Variants in BTBD16 observed in about 807,000 individuals in gnomAD.
BTBD16 encodes BTB/POZ domain-containing protein 16.
BTBD16 carries 66 observed loss-of-function variants against 67.4 expected under a neutral mutation model. The ratio of observed to expected loss-of-function variants is 0.98; its 90% CI spans 0.80 to 1.20. The LOEUF (loss-of-function observed/expected upper bound fraction) is 1.20. Ranked by LOEUF, BTBD16 falls within the 50% of genes most tolerant of loss-of-function variation. The pLI is 0.00. For missense variants in BTBD16, 634 were observed against 616.0 expected, an observed-to-expected ratio of 1.03 and a Z score of -0.31; for synonymous variants, 242 against 236.4, an observed-to-expected ratio of 1.02 and a Z score of -0.22.
chr10:122,331,308 C>G, intron 12 of BTBD16, 50 bp downstream of exon 12: 2 of 1,601,086 alleles, frequency 1.2e-6, no homozygotes, highest in Non-Finnish European at 1.7e-6. Context: ...TATTGCCTCT[C>G]TGACTTTGTT....
intron 12 of BTBD16, 21 bp from the exon 13 acceptor site, chr10:122,332,415 C>T: frequency 6.2e-7 from 1 of 1,612,884 alleles, no homozygotes; most frequent in Admixed American, 1.7e-5. Context: ...CCGTGGTCAG[C>T]TGTGTGCATT....
intron 14 of BTBD16, among the ~76,000 whole-genome samples, chr10:122,335,400 C>G (rs985531257): frequency 8.5e-5 from 13 of 152,146 alleles, no homozygotes; most frequent in African/African-American, 3.1e-4. Flanking sequence ...GGGCAGGACC[C>G]CAGAAAAGTC....
chr10:122,334,338 G>C (rs2133327464), intron 13 of BTBD16, among the ~76,000 whole-genome samples: 1 of 151,166 alleles, frequency 6.6e-6, no homozygotes, highest in Middle Eastern at 3.4e-3. Flanking sequence ...TGGGACTACA[G>C]GCGCCCGCCA....
intron 10 of BTBD16, among the ~76,000 whole-genome samples, chr10:122,318,286 CA>C (rs372545975): frequency 9.8e-4 from 149 of 152,238 alleles, no homozygotes; most frequent in African/African-American, 3.4e-3. Context: ...CATAATTATT[CA>C]GAGATTCACC....
Position 122,297,854 on chromosome 10 carries a change from C to T in BTBD16, c.660+17C>T, listed in dbSNP as rs375295593. 83 of 1,613,158 alleles carry T rather than the reference C, an allele frequency of 5.1e-5. No individual in the cohort carries two copies. The highest frequency in any genetic ancestry group is 4.3e-4 in the Admixed American group (26 of 59,964). On this transcript the variant is annotated intron_variant, in intron 8 of 15. Coordinates refer to ENST00000260723, the MANE Select transcript of BTBD16 (RefSeq NM_144587.5). The stretch of plus-strand genomic sequence containing the variant: ...GGCTGCAAGGTGAGAACAACCCAGA[C>T]GGGGCACATCGCCCCTTGGGGGGGC...
intron 3 of BTBD16, among the ~76,000 whole-genome samples, chr10:122,277,218 T>G (rs999866614): frequency 6.6e-6 from 1 of 151,914 alleles, no homozygotes; most frequent in African/African-American, 2.4e-5. Flanking sequence ...CAAACAGGAT[T>G]CTGAGTTTAT....
At chr10:122,322,623 A>G (rs2096437548) in intron 10 of BTBD16, among the ~76,000 whole-genome samples, 1 of 152,196 alleles carries the variant, frequency 6.6e-6, no homozygotes, top group African/African-American at 2.4e-5. Flanking sequence ...AGCCCATTGC[A>G]GTTTGGAATC....
intron 5 of BTBD16, among the ~76,000 whole-genome samples, chr10:122,286,628 G>C (rs968750410): frequency 1.1e-4 from 17 of 152,164 alleles, no homozygotes; most frequent in Non-Finnish European, 2.4e-4. Context: ...TTTCTGAAGA[G>C]CTTTCTGGAA....
chr10:122,285,114 G>A (rs527620445), intron 4 of BTBD16, among the ~76,000 whole-genome samples: 16 of 152,264 alleles, frequency 1.1e-4, no homozygotes, highest in Admixed American at 6.5e-4. Flanking sequence ...AGGTCACACC[G>A]TGAAACTAAT....
intron 5 of BTBD16, among the ~76,000 whole-genome samples, chr10:122,288,198 C>G (rs769235573): frequency 6.6e-6 from 1 of 152,234 alleles, no homozygotes; most frequent in Non-Finnish European, 1.5e-5. Flanking sequence ...TGCATGCCTA[C>G]TGTGTGCCAG....
chr10:122,319,328 A>G (rs750750516), intron 10 of BTBD16, among the ~76,000 whole-genome samples: 1 of 151,974 alleles, frequency 6.6e-6, no homozygotes, highest in African/African-American at 2.4e-5. Flanking sequence ...TTTTTCCTCT[A>G]TGTTTTCTTC....
At chr10:122,308,562 G>C (rs546696206) in intron 10 of BTBD16, among the ~76,000 whole-genome samples, 2 of 152,170 alleles carry the variant, frequency 1.3e-5, no homozygotes, top group Non-Finnish European at 2.9e-5. Context: ...AATGTAGAGT[G>C]GGGGTGGCTC....
intron 4 of BTBD16, among the ~76,000 whole-genome samples, chr10:122,284,363 C>T (rs1483447369): frequency 6.6e-6 from 1 of 151,990 alleles, no homozygotes; most frequent in Non-Finnish European, 1.5e-5. Flanking sequence ...GCAGGAGAAT[C>T]ACTTGAACCC....
intron 10 of BTBD16, among the ~76,000 whole-genome samples, chr10:122,327,924 C>G (rs537443877): frequency 6.6e-6 from 1 of 152,322 alleles, no homozygotes; most frequent in Admixed American, 6.5e-5. Context: ...GGAACTGAAT[C>G]TGTATTTCAG....
intron 7 of BTBD16, among the ~76,000 whole-genome samples, chr10:122,294,462 C>T (rs1477984569): frequency 6.6e-6 from 1 of 152,228 alleles, no homozygotes; most frequent in African/African-American, 2.4e-5. Flanking sequence ...ACTCTCATGT[C>T]AATATCTTTA....
intron 10 of BTBD16, among the ~76,000 whole-genome samples, chr10:122,319,564 G>C (rs2096432139): frequency 6.6e-6 from 1 of 152,028 alleles, no homozygotes; most frequent in African/African-American, 2.4e-5. Context: ...TCAATATTCT[G>C]TTCCTTTAAA....
At position 122,283,894 on chromosome 10, in the gene BTBD16, A is replaced by G; in HGVS notation, c.211A>G (p.Lys71Glu). 1 of 1,614,040 alleles carries G rather than the reference A, an allele frequency of 6.2e-7. No homozygotes were observed. Among genetic ancestry groups the G allele is most frequent in the Non-Finnish European group, 8.5e-7 (1 of 1,179,902 alleles). ...QIQKFFFENF[K>E]NKDIQSGEAD... ...CCAGAAGTTTTTCTTTGAGAATTTCAAGAACAAGGACATCCAAAGTGGGGA... is the reference window on the plus strand; with the variant it reads ...CCAGAAGTTTTTCTTTGAGAATTTCGAGAACAAGGACATCCAAAGTGGGGA... Residue 71 changes from lysine to glutamate, a missense_variant, in exon 4 of 16, where the codon AAG (lysine) becomes GAG (glutamate). Transcript: ENST00000260723.
intron 10 of BTBD16, among the ~76,000 whole-genome samples, chr10:122,308,705 T>C (rs1426061483): frequency 6.6e-6 from 1 of 152,074 alleles, no homozygotes; most frequent in African/African-American, 2.4e-5. Context: ...TGCTCTCCCC[T>C]GCACACTGTC....
intron 10 of BTBD16, among the ~76,000 whole-genome samples, chr10:122,316,079 C>A (rs548616176): frequency 6.6e-6 from 1 of 152,202 alleles, no homozygotes; most frequent in South Asian, 2.1e-4. Context: ...CCAGCCTGAC[C>A]AACATGGTGG....
Sources: allele counts gnomAD v4.1 joint callset (sites outside exome capture counted in the v4.1 genomes callset), GRCh38; gene constraint gnomAD v4.1.1; transcripts MANE v1.5; gene names NCBI Gene and HGNC (gene_info 2026-07-23, HGNC 2026-07-21).